The following SORCS3 variants were observed in gnomAD, a reference collection of about 807,000 sequenced individuals.
The protein encoded by SORCS3 is sortilin related VPS10 domain containing receptor 3, also known as VPS10 domain-containing receptor SorCS3.
Under a neutral mutation model 146.3 loss-of-function variants are expected in SORCS3, and 57 were observed. The ratio of observed to expected loss-of-function variants is 0.39; its 90% CI spans 0.31 to 0.49. The LOEUF (loss-of-function observed/expected upper bound fraction) is 0.49, where lower values mean the gene tolerates loss of function less well. SORCS3 is among the 20% of genes least tolerant of loss of function. The pLI is 0.92. For synonymous variants in SORCS3, 653 were observed against 618.5 expected, an observed-to-expected ratio of 1.06 and a Z score of -0.83; for missense variants, 1,341 against 1,575.5, an observed-to-expected ratio of 0.85 and a Z score of 2.52.
At chr10:105,041,668 A>T (rs896162046) in intron 4 of SORCS3, among the ~76,000 whole-genome samples, 1 of 152,080 alleles carries the variant, frequency 6.6e-6, no homozygotes, top group African/African-American at 2.4e-5. Flanking sequence ...GATTACCGGA[A>T]GTTTATACAA....
At chr10:105,150,939 C>T (rs1277405660) in intron 9 of SORCS3, among the ~76,000 whole-genome samples, 1 of 152,278 alleles carries the variant, frequency 6.6e-6, no homozygotes, top group East Asian at 1.9e-4. Flanking sequence ...TCCAAGTGCC[C>T]TTGAGTAATG....
At chr10:105,222,358 G>T (rs189270336) in intron 19 of SORCS3, among the ~76,000 whole-genome samples, 2 of 152,030 alleles carry the variant, frequency 1.3e-5, no homozygotes, top group African/African-American at 4.8e-5. Context: ...GCGCCCGGCC[G>T]CATTAACACT....
At chr10:105,178,207 C>A in intron 14 of SORCS3, 34 bp downstream of exon 14, 1 of 1,508,744 alleles carries the variant, frequency 6.6e-7, no homozygotes. Flanking sequence ...AGGAAGAAGA[C>A]CAGAGACACT....
chr10:104,969,542 A>G (rs2054846872), intron 3 of SORCS3, among the ~76,000 whole-genome samples: 1 of 152,142 alleles, frequency 6.6e-6, no homozygotes, highest in African/African-American at 2.4e-5. Context: ...ATATGTCAGT[A>G]TCTATCTCCC....
At chr10:104,787,161 T>A (rs2133497530) in intron 1 of SORCS3, among the ~76,000 whole-genome samples, 1 of 152,268 alleles carries the variant, frequency 6.6e-6, no homozygotes, top group South Asian at 2.1e-4. Flanking sequence ...AGGATTTGAC[T>A]CATCAGTTGT....
intron 19 of SORCS3, among the ~76,000 whole-genome samples, chr10:105,222,121 C>A (rs1046756031): frequency 1.6e-5 from 2 of 126,350 alleles, no homozygotes; most frequent in African/African-American, 6.0e-5. Context: ...TGCAATGGTG[C>A]GATTTTGGCT....
chr10:104,851,675 G>GA (rs1301857731), intron 2 of SORCS3, among the ~76,000 whole-genome samples: 1 of 152,024 alleles, frequency 6.6e-6, no homozygotes, highest in East Asian at 1.9e-4. Context: ...AAAAGAAAAA[G>GA]AAAAAAATTC....
chr10:105,263,381 C>G lies in SORCS3; in HGVS notation c.*7C>G. The G allele has an allele frequency of 6.2e-7, 1 of 1,613,750 alleles. No homozygotes were observed. The highest frequency in any genetic ancestry group is 8.5e-7 in the Non-Finnish European group (1 of 1,179,698). On this transcript the variant is annotated 3_prime_UTR_variant, in exon 27 of 27. Transcript: ENST00000369701. The stretch of plus-strand genomic sequence containing the variant: ...CAACTGCACTAGTGTTTAATACCAG[C>G]AAGCCACGTGGTCAACCACCTTTCT...
rs1419299349 is a variant in SORCS3, at chr10:104,758,402, C to A, written c.628-84390C>A. Among the ~76,000 whole-genome samples, 10 of 152,004 alleles carry A rather than the reference C, an allele frequency of 6.6e-5. No homozygotes were observed. The East Asian group carries it at 1.9e-3, about 29-fold the overall frequency. On this transcript the variant is annotated intron_variant, in intron 1 of 26. Coordinates refer to ENST00000369701, the MANE Select transcript of SORCS3 (RefSeq NM_014978.3). ...TGGCTATAATCTCACTCATTTATTC[C>A]TTTCTTCAACTATTTGATACATGTT...
Position 104,795,931 on chromosome 10 carries a change from A to G in SORCS3, c.628-46861A>G, listed in dbSNP as rs74500405. The stretch of plus-strand genomic sequence containing the variant: ...TTTCTGATCTAAAACTCTAGTTACC[A>G]ACTTTAGCCTTCTCCATACTGTGAG... On this transcript the variant is annotated intron_variant, in intron 1 of 26. Coordinates refer to ENST00000369701, the MANE Select transcript of SORCS3 (RefSeq NM_014978.3). 6.0e-3 allele frequency among the ~76,000 whole-genome samples: 918 copies of G among 152,320 alleles called. 5 individuals carry two copies. The highest frequency in any genetic ancestry group is 0.021 in the African/African-American group (854 of 41,568).
At chr10:104,733,725 A>C (rs2016735541) in intron 1 of SORCS3, among the ~76,000 whole-genome samples, 1 of 152,052 alleles carries the variant, frequency 6.6e-6, no homozygotes, top group Non-Finnish European at 1.5e-5. Context: ...GGGAAGCTCC[A>C]AGTTTGGTGC....
intron 7 of SORCS3, among the ~76,000 whole-genome samples, chr10:105,109,778 T>C (rs529691508): frequency 3.7e-4 from 57 of 152,174 alleles, no homozygotes; most frequent in Middle Eastern, 6.8e-3. Flanking sequence ...TTATCAAATA[T>C]ATTGATACAA....
At chr10:104,884,893 A>G (rs563636337) in intron 2 of SORCS3, among the ~76,000 whole-genome samples, 2 of 151,446 alleles carry the variant, frequency 1.3e-5, no homozygotes, top group African/African-American at 2.4e-5. Flanking sequence ...TACCAATCCT[A>G]GTGGACCTGG....
intron 3 of SORCS3, among the ~76,000 whole-genome samples, chr10:104,958,087 CT>C (rs1359183253): frequency 2.6e-5 from 4 of 152,086 alleles, no homozygotes. Context: ...CTCCTGCTTT[CT>C]ATTTGGTTCT....
rs111387639 is a variant in SORCS3, at chr10:104,934,318, G to A, written c.795+18386G>A. Among the ~76,000 whole-genome samples, 342 of 152,290 alleles carry A rather than the reference G, an allele frequency of 2.2e-3. 2 individuals are homozygous for A. Among genetic ancestry groups the A allele is most frequent in the African/African-American group, 7.8e-3 (323 of 41,556 alleles). ...GTTAAGGCTATGTATGAGACAATAG[G>A]TCTAGGCATTAATGATGTATAATCA... On this transcript the variant is annotated intron_variant, in intron 3 of 26. Coordinates refer to ENST00000369701, the MANE Select transcript of SORCS3 (RefSeq NM_014978.3).
chr10:105,026,389 C>G (rs1452490387), intron 4 of SORCS3, among the ~76,000 whole-genome samples: 1 of 152,194 alleles, frequency 6.6e-6, no homozygotes, highest in Non-Finnish European at 1.5e-5. Context: ...TGTGGGCAGT[C>G]TTCTCTTTAA....
intron 20 of SORCS3, among the ~76,000 whole-genome samples, chr10:105,241,161 T>C (rs2056820487): frequency 6.6e-6 from 1 of 152,178 alleles, no homozygotes; most frequent in Non-Finnish European, 1.5e-5. Flanking sequence ...AATATACATA[T>C]AGTACAACTG....
At chr10:104,975,661 T>C (rs1424410242) in intron 3 of SORCS3, among the ~76,000 whole-genome samples, 3 of 152,274 alleles carry the variant, frequency 2.0e-5, no homozygotes, top group African/African-American at 4.8e-5. Context: ...CTTCAAACTA[T>C]ACTACAAGGC....
At chr10:105,192,878 C>A (rs1457930868) in intron 14 of SORCS3, among the ~76,000 whole-genome samples, 1 of 152,148 alleles carries the variant, frequency 6.6e-6, no homozygotes, top group Non-Finnish European at 1.5e-5. Context: ...AATGACTAGG[C>A]AGGCGAGAGT....
Sources: allele counts gnomAD v4.1 joint callset (sites outside exome capture counted in the v4.1 genomes callset), GRCh38; gene constraint gnomAD v4.1.1; transcripts MANE v1.5; gene names NCBI Gene and HGNC (gene_info 2026-07-23, HGNC 2026-07-21).